The following C2CD5 variants were observed in gnomAD, a reference collection of about 807,000 sequenced individuals.
C2CD5 encodes C2 domain-containing protein 5.
Under a neutral mutation model 130.3 loss-of-function variants are expected in C2CD5, and 109 were observed. That is an observed-to-expected ratio of 0.84 (90% CI 0.72 to 0.98). The LOEUF (loss-of-function observed/expected upper bound fraction) is 0.98, where lower values mean the gene tolerates loss of function less well. Ranked by LOEUF, C2CD5 falls within the 50% of genes least tolerant of loss-of-function variation. The pLI, the probability that C2CD5 is intolerant of heterozygous loss-of-function variation, is 0.00. For synonymous variants in C2CD5, 454 were observed against 429.2 expected, an observed-to-expected ratio of 1.06 and a Z score of -0.71; for missense variants, 996 against 1,261.8, an observed-to-expected ratio of 0.79 and a Z score of 3.19.
chr12:22,466,473 C>T (rs557920771), intron 22 of C2CD5, among the ~76,000 whole-genome samples: 1 of 152,292 alleles, frequency 6.6e-6, no homozygotes, highest in Non-Finnish European at 1.5e-5. Context: ...TTCCTCTCTT[C>T]CTATTTCCGC....
At chr12:22,517,787 A>T (rs186316903) in intron 8 of C2CD5, among the ~76,000 whole-genome samples, 199 bp downstream of exon 8, 8 of 152,354 alleles carry the variant, frequency 5.3e-5, no homozygotes, top group African/African-American at 1.9e-4. Flanking sequence ...GATTAAATCA[A>T]TGAAATGTAA....
At chr12:22,451,765 G>C (rs1938668600) in intron 26 of C2CD5, among the ~76,000 whole-genome samples, 1 of 152,066 alleles carries the variant, frequency 6.6e-6, no homozygotes, top group Non-Finnish European at 1.5e-5. Flanking sequence ...TGTTAGGAGA[G>C]GTGAGGGGGG....
Position 22,488,357 on chromosome 12 carries a change from T to C in C2CD5, c.1358+1766A>G, listed in dbSNP as rs113736167. On this transcript the variant is annotated intron_variant, in intron 12 of 26. Transcript: ENST00000446597. ...GATGGCAATCTAGCATCATTTGATA[T>C]AGGAACTCTCCAAATTTTTTCTAAT... Among the ~76,000 whole-genome samples the C allele has an allele frequency of 3.9e-5, 6 of 151,986 alleles. No individual in the cohort carries two copies. The South Asian group carries it at 1.2e-3, about 32-fold the overall frequency.
intron 7 of C2CD5, among the ~76,000 whole-genome samples, chr12:22,520,977 T>C (rs1303400886): frequency 6.6e-6 from 1 of 152,144 alleles, no homozygotes; most frequent in Non-Finnish European, 1.5e-5. Flanking sequence ...TAATGTACTC[T>C]TGGAGTTTTC....
intron 9 of C2CD5, chr12:22,512,663 C>A: frequency 6.7e-7 from 1 of 1,499,540 alleles, no homozygotes; most frequent in Non-Finnish European, 8.9e-7. Flanking sequence ...TCTACAGAAC[C>A]TATGAGGCGA....
At chr12:22,491,491 A>T (rs1370225764) in intron 11 of C2CD5, among the ~76,000 whole-genome samples, 2 of 152,122 alleles carry the variant, frequency 1.3e-5, no homozygotes, top group African/African-American at 4.8e-5. Flanking sequence ...TAGGATCCCA[A>T]AGCATCCTAT....
In C2CD5 at chr12:22,531,482, C is replaced by T. The variant is rs1023625899; in HGVS notation, c.178-3590G>A. 2.6e-5 allele frequency among the ~76,000 whole-genome samples: 4 copies of T among 152,148 alleles called. No homozygotes were observed. In the East Asian group the frequency reaches 5.8e-4, roughly 22 times the overall value. On this transcript the variant is annotated intron_variant, in intron 3 of 26. Transcript: ENST00000446597. Reference sequence around the variant, plus strand: ...TTGAGAGTGCGGAAATAAATCCTTACATCTATGTCCAACTGATTTTTTTTA... The same window carrying T: ...TTGAGAGTGCGGAAATAAATCCTTATATCTATGTCCAACTGATTTTTTTTA...
At chr12:22,527,173 G>C (rs1396363793) in intron 4 of C2CD5, among the ~76,000 whole-genome samples, 1 of 151,842 alleles carries the variant, frequency 6.6e-6, no homozygotes, top group Non-Finnish European at 1.5e-5. Context: ...TACTAGATCA[G>C]TTTTAAATCA....
intron 2 of C2CD5, among the ~76,000 whole-genome samples, chr12:22,536,611 T>A (rs115375175): frequency 6.6e-6 from 1 of 152,160 alleles, no homozygotes; most frequent in African/African-American, 2.4e-5. Flanking sequence ...GCAGAATATA[T>A]AAAGTATGAT....
intron 25 of C2CD5, among the ~76,000 whole-genome samples, chr12:22,455,131 G>A (rs932172321): frequency 6.6e-6 from 1 of 152,112 alleles, no homozygotes; most frequent in South Asian, 2.1e-4. Context: ...AAAGCCTGAG[G>A]ATCCTACATA....
Position 22,509,782 on chromosome 12 carries a change from G to A in C2CD5, c.1039-2963C>T, listed in dbSNP as rs532988286. Among the ~76,000 whole-genome samples the A allele has an allele frequency of 8.5e-5, 13 of 152,296 alleles. No homozygotes were observed. The South Asian group carries it at 2.5e-3, about 29-fold the overall frequency. ...TCCATTTTTTATATGAAAAACTGAAGTCAAAAGGGCCTTTTATTCCTAGAT... is the reference window on the plus strand; with the variant it reads ...TCCATTTTTTATATGAAAAACTGAAATCAAAAGGGCCTTTTATTCCTAGAT... On this transcript the variant is annotated intron_variant, in intron 9 of 26. Transcript: ENST00000446597.
At chr12:22,465,635 T>C (rs1233298563) in intron 22 of C2CD5, among the ~76,000 whole-genome samples, 7 of 152,010 alleles carry the variant, frequency 4.6e-5, no homozygotes, top group Non-Finnish European at 8.8e-5. Context: ...TCAACCCAGA[T>C]TCCCCCCCAT....
chr12:22,541,782 A>C (rs1322737157), intron 2 of C2CD5, among the ~76,000 whole-genome samples: 1 of 152,124 alleles, frequency 6.6e-6, no homozygotes, highest in Non-Finnish European at 1.5e-5. Flanking sequence ...CACCCATCCC[A>C]ACTTGTAACT....
chr12:22,510,846 T>C (rs1949102129), intron 9 of C2CD5, among the ~76,000 whole-genome samples: 1 of 152,170 alleles, frequency 6.6e-6, no homozygotes, highest in African/African-American at 2.4e-5. Flanking sequence ...GAAAAACAAA[T>C]CTGGCTGAGC....
rs749683724 is a variant in C2CD5, at chr12:22,524,621, G to C, written c.452C>G (p.Ser151Cys). 2.5e-6 allele frequency: 4 copies of C among 1,608,010 alleles called. No homozygotes were observed. The African/African-American group carries it at 5.4e-5, about 22-fold the overall frequency. The change falls in exon 6 of 27, where the codon TCT (serine) becomes TGT (cysteine). Residue 151 changes from serine (S) to cysteine (C), a missense_variant. This residue lies in a region of C2CD5 where 49 missense variants were observed against 52.0 expected (regional missense o/e 0.94). Coordinates refer to ENST00000446597, the MANE Select transcript of C2CD5 (RefSeq NM_001286176.2). Reference sequence around the variant, plus strand: ...CACAGCTCTATAGCATTTTGGAATAGACGTTGCTGTTAAAACAAATTATTA... The same window carrying C: ...CACAGCTCTATAGCATTTTGGAATACACGTTGCTGTTAAAACAAATTATTA... ...SCGVKFFCTTSIPKCYRAVII... is the reference protein window; with the variant it reads ...SCGVKFFCTTCIPKCYRAVII...
chr12:22,537,904 G>C (rs1951977420), intron 2 of C2CD5, among the ~76,000 whole-genome samples: 1 of 152,104 alleles, frequency 6.6e-6, no homozygotes, highest in Admixed American at 6.5e-5. Context: ...TACTTCGCTT[G>C]TACAGAACCC....
At chr12:22,514,810 A>G (rs1046160817) in intron 8 of C2CD5, 4 of 178,624 alleles carry the variant, frequency 2.2e-5, no homozygotes, top group Non-Finnish European at 3.3e-5. Context: ...GCCATCAAGT[A>G]ATCCTCAATT....
intron 5 of C2CD5, among the ~76,000 whole-genome samples, chr12:22,525,143 T>C (rs1591986046): frequency 6.6e-6 from 1 of 152,296 alleles, no homozygotes; most frequent in East Asian, 1.9e-4. Context: ...AATACATCTG[T>C]ACCAAATTAG....
At chr12:22,452,722 T>C (rs1238990320) in intron 26 of C2CD5, among the ~76,000 whole-genome samples, 1 of 152,182 alleles carries the variant, frequency 6.6e-6, no homozygotes, top group Admixed American at 6.6e-5. Flanking sequence ...AAGAACTTAG[T>C]AAATGAAGTA....
Sources: allele counts gnomAD v4.1 joint callset (sites outside exome capture counted in the v4.1 genomes callset), GRCh38; gene constraint gnomAD v4.1.1; regional missense constraint gnomAD v4.1.1; transcripts MANE v1.5; gene names NCBI Gene and HGNC (gene_info 2026-07-23, HGNC 2026-07-21).